ERC1: variants seen among roughly 807,000 people sequenced by gnomAD.
ERC1 encodes ELKS/RAB6-interacting/CAST family member 1, also known as RAB6 interacting protein 2.
A neutral mutation model predicts 132.0 loss-of-function variants in ERC1; 56 were observed. That is an observed-to-expected ratio of 0.42 (90% confidence interval 0.34 to 0.53). ERC1 has a LOEUF of 0.53. Among genes scored for constraint, ERC1 ranks in the 20% least tolerant of loss-of-function variants. ERC1 has a pLI of 0.03. For synonymous variants in ERC1, 478 were observed against 476.1 expected (o/e 1.00, Z -0.05); for missense variants, 1,202 against 1,349.9 (o/e 0.89, Z 1.72).
chr12:1,055,460 G>T (rs575743549), intron 2 of ERC1, among the ~76,000 whole-genome samples: 1 of 152,262 alleles, frequency 6.6e-6, no homozygotes, highest in East Asian at 1.9e-4. Flanking sequence ...GATTACAGGC[G>T]TGAACCACCA....
chr12:1,067,463 A>G (rs1289164875), intron 2 of ERC1, among the ~76,000 whole-genome samples: 5 of 152,202 alleles, frequency 3.3e-5, no homozygotes, highest in African/African-American at 1.2e-4. Context: ...AGAATGCTTC[A>G]ACATATATTC....
chr12:1,313,825 A>G (rs1413959579), intron 15 of ERC1, among the ~76,000 whole-genome samples: 3 of 151,974 alleles, frequency 2.0e-5, no homozygotes, highest in Admixed American at 1.3e-4. Flanking sequence ...TCTCTACTAT[A>G]ATACAAAAAT....
At chr12:1,405,193 A>G (rs940649406) in intron 16 of ERC1, among the ~76,000 whole-genome samples, 2 of 149,802 alleles carry the variant, frequency 1.3e-5, no homozygotes, top group Non-Finnish European at 3.0e-5. Flanking sequence ...AAATAAAATA[A>G]TATAAAATTG....
chr12:1,366,413 G>A (rs1281713072), intron 15 of ERC1, among the ~76,000 whole-genome samples: 1 of 152,336 alleles, frequency 6.6e-6, no homozygotes, highest in East Asian at 1.9e-4. Flanking sequence ...GCTGAAAGGA[G>A]ATGCTGAATG....
At chr12:1,362,556 T>C (rs993987515) in intron 15 of ERC1, among the ~76,000 whole-genome samples, 10 of 152,130 alleles carry the variant, frequency 6.6e-5, no homozygotes, top group African/African-American at 2.4e-4. Context: ...TTATTTAAAT[T>C]TGGAAGCATA....
intron 14 of ERC1, among the ~76,000 whole-genome samples, chr12:1,271,025 T>A (rs576110526): frequency 2.0e-5 from 3 of 152,254 alleles, no homozygotes; most frequent in East Asian, 1.9e-4. Context: ...GATGCTTTTT[T>A]AAAAAACAGT....
intron 17 of ERC1, among the ~76,000 whole-genome samples, chr12:1,425,152 T>C (rs929136542): frequency 2.6e-5 from 4 of 152,214 alleles, no homozygotes; most frequent in Admixed American, 6.5e-5. Context: ...TATTATTTCC[T>C]TTAAATTTGT....
chr12:1,397,933 A>G (rs889371806), intron 16 of ERC1, among the ~76,000 whole-genome samples: 3 of 152,194 alleles, frequency 2.0e-5, no homozygotes, highest in Non-Finnish European at 2.9e-5. Context: ...AGCTAACTTT[A>G]TAATACAGAT....
At chr12:1,045,671 T>C (rs1472932571) in intron 2 of ERC1, among the ~76,000 whole-genome samples, 1 of 152,190 alleles carries the variant, frequency 6.6e-6, no homozygotes. Flanking sequence ...TCCGTCTGGC[T>C]ACAAAGCCAA....
chr12:1,216,596 T>TG (rs1393999912), intron 12 of ERC1, among the ~76,000 whole-genome samples: 7 of 5,396 alleles, frequency 1.3e-3, no homozygotes, highest in African/African-American at 1.9e-3. Flanking sequence ...ATAGCCTTGG[T>TG]GGGGTCGGGG....
At chr12:1,280,768 C>A (rs769654079) in intron 14 of ERC1, among the ~76,000 whole-genome samples, 1 of 152,194 alleles carries the variant, frequency 6.6e-6, no homozygotes, top group Non-Finnish European at 1.5e-5. Flanking sequence ...ATATTATACA[C>A]GCACTTACGT....
At chr12:1,345,629 G>A (rs1404500174) in intron 15 of ERC1, among the ~76,000 whole-genome samples, 3 of 152,094 alleles carry the variant, frequency 2.0e-5, no homozygotes, top group Non-Finnish European at 2.9e-5. Flanking sequence ...AAAAGATGAA[G>A]AAATTATCAC....
At chr12:1,401,916 A>T (rs186777968) in intron 16 of ERC1, among the ~76,000 whole-genome samples, 2 of 152,344 alleles carry the variant, frequency 1.3e-5, no homozygotes, top group East Asian at 3.9e-4. Context: ...GTGCAGAAGG[A>T]TAAAACAAAA....
intron 15 of ERC1, among the ~76,000 whole-genome samples, chr12:1,316,065 T>C (rs180676252): frequency 3.3e-5 from 5 of 152,250 alleles, no homozygotes; most frequent in Non-Finnish European, 7.4e-5. Context: ...ATTTTTTGTA[T>C]TTTTAGTAGA....
At chr12:1,438,954 A>AAAAAAAAAAATATATATATATATATAT (rs1015181197) in intron 17 of ERC1, among the ~76,000 whole-genome samples, 2 of 143,492 alleles carry the variant, frequency 1.4e-5, no homozygotes, top group African/African-American at 5.2e-5. Flanking sequence ...TTTAAAAAAA[A>AAAAAAAAAAATATATATATATATATAT]ATATATATAT....
intron 17 of ERC1, among the ~76,000 whole-genome samples, chr12:1,436,188 G>A (rs1271473279): frequency 4.7e-5 from 7 of 149,716 alleles, no homozygotes; most frequent in Admixed American, 2.7e-4. Flanking sequence ...ACACGTGCAC[G>A]CACGCCCTCT....
At chr12:1,137,255 C>T (rs759092230) in intron 7 of ERC1, among the ~76,000 whole-genome samples, 1 of 151,354 alleles carries the variant, frequency 6.6e-6, no homozygotes, top group Admixed American at 6.6e-5. Context: ...AGCGCCACCA[C>T]GCCAAGCTAA....
chr12:1,424,159 G>A (rs930065567), intron 17 of ERC1, among the ~76,000 whole-genome samples: 3 of 152,256 alleles, frequency 2.0e-5, no homozygotes, highest in South Asian at 4.1e-4. Context: ...TTGACTGAGC[G>A]TTGGTCCTAG....
At chr12:1,031,457 C>G (rs1968028577) in intron 2 of ERC1, among the ~76,000 whole-genome samples, 1 of 152,114 alleles carries the variant, frequency 6.6e-6, no homozygotes, top group African/African-American at 2.4e-5. Flanking sequence ...TCTATTGTAT[C>G]TATTCTAGTT....
Sources: gnomAD v4.1 joint callset for allele counts (sites outside exome capture counted in the v4.1 genomes callset) on GRCh38, gnomAD v4.1.1 for gene constraint, MANE v1.5 for transcripts, NCBI Gene and HGNC (gene_info 2026-07-23, HGNC 2026-07-21) for gene names.